Variants in MAGI2 observed in about 807,000 individuals in gnomAD.
MAGI2 encodes membrane-associated guanylate kinase, WW and PDZ domain-containing protein 2.
MAGI2 carries 35 observed loss-of-function variants against 133.3 expected under a neutral mutation model. The observed-to-expected ratio is 0.26, with a 90% CI of 0.20 to 0.35. The LOEUF (loss-of-function observed/expected upper bound fraction) is 0.35. Among genes scored for constraint, MAGI2 ranks in the 10% least tolerant of loss-of-function variants. MAGI2 has a pLI of 1.00. For missense variants in MAGI2, 1,636 were observed against 1,863.4 expected, an observed-to-expected ratio of 0.88 and a Z score of 2.25; for synonymous variants, 729 against 710.6, an observed-to-expected ratio of 1.03 and a Z score of -0.41.
intron 1 of MAGI2, among the ~76,000 whole-genome samples, chr7:79,315,325 A>ATTTTTTTTTT (rs775143230): frequency 6.5e-5 from 6 of 92,482 alleles, no homozygotes; most frequent in African/African-American, 1.6e-4. Flanking sequence ...TGCCCAGTTA[A>ATTTTTTTTTT]TTTTTTTTTT....
At chr7:78,849,302 C>A (rs989453882) in intron 2 of MAGI2, among the ~76,000 whole-genome samples, 6 of 152,006 alleles carry the variant, frequency 3.9e-5, no homozygotes, top group African/African-American at 2.4e-5. Context: ...GGAGAGTGAG[C>A]AATATCTTGG....
chr7:78,109,240 C>T (rs1251492062), intron 20 of MAGI2, among the ~76,000 whole-genome samples: 9 of 114,606 alleles, frequency 7.9e-5, no homozygotes, highest in Non-Finnish European at 1.5e-4. Flanking sequence ...GGAGGCGGAG[C>T]TTGCAGTGAG....
chr7:79,138,832 T>C (rs968286427), intron 1 of MAGI2, among the ~76,000 whole-genome samples: 7 of 151,926 alleles, frequency 4.6e-5, no homozygotes, highest in African/African-American at 7.2e-5. Flanking sequence ...GGTGAAACCC[T>C]GTCTCTACTA....
chr7:78,830,821 G>A (rs748739820), intron 2 of MAGI2, among the ~76,000 whole-genome samples: 3 of 152,112 alleles, frequency 2.0e-5, no homozygotes, highest in African/African-American at 7.2e-5. Context: ...GGGCCAATTG[G>A]CAATCTAGCT....
At chr7:78,822,385 TA>T (rs1264162197) in intron 2 of MAGI2, among the ~76,000 whole-genome samples, 1 of 152,136 alleles carries the variant, frequency 6.6e-6, no homozygotes, top group Non-Finnish European at 1.5e-5. Flanking sequence ...GAGAGAATAA[TA>T]ATTTAACTCA....
intron 20 of MAGI2, among the ~76,000 whole-genome samples, chr7:78,116,432 A>C (rs1419604878): frequency 6.6e-6 from 1 of 152,104 alleles, no homozygotes. Flanking sequence ...ATAAAAACAG[A>C]AATGAATAAG....
intron 6 of MAGI2, among the ~76,000 whole-genome samples, chr7:78,470,916 T>G (rs1033461666): frequency 1.2e-4 from 19 of 152,148 alleles, no homozygotes; most frequent in Admixed American, 6.5e-5. Context: ...GAAATTAACA[T>G]AAAATATATG....
intron 2 of MAGI2, among the ~76,000 whole-genome samples, chr7:78,697,952 T>C (rs1167550938): frequency 1.3e-5 from 2 of 152,198 alleles, no homozygotes; most frequent in Non-Finnish European, 2.9e-5. Flanking sequence ...TTTTCTATTG[T>C]ACATGTGTAC....
chr7:79,446,555 A>T (rs1306380798), intron 1 of MAGI2, among the ~76,000 whole-genome samples: 1 of 152,164 alleles, frequency 6.6e-6, no homozygotes, highest in Non-Finnish European at 1.5e-5. Context: ...TGGAGAAATT[A>T]TTTCCCCAGG....
At chr7:78,818,290 A>G (rs1789785093) in intron 2 of MAGI2, among the ~76,000 whole-genome samples, 1 of 152,166 alleles carries the variant, frequency 6.6e-6, no homozygotes, top group Admixed American at 6.5e-5. Flanking sequence ...ACTGAATTCC[A>G]TTAAACGTAT....
chr7:78,161,269 A>ATT (rs1824948138), intron 15 of MAGI2, among the ~76,000 whole-genome samples: 1 of 152,234 alleles, frequency 6.6e-6, no homozygotes, highest in African/African-American at 2.4e-5. Flanking sequence ...TTGAAATGAA[A>ATT]GTTTATCTGT....
intron 20 of MAGI2, among the ~76,000 whole-genome samples, chr7:78,097,295 C>T (rs1192470636): frequency 6.6e-6 from 1 of 152,122 alleles, no homozygotes; most frequent in African/African-American, 2.4e-5. Flanking sequence ...CCATTTGACC[C>T]AGCAATCCCA....
intron 16 of MAGI2, among the ~76,000 whole-genome samples, chr7:78,138,608 T>G (rs75167383): frequency 6.1e-5 from 9 of 146,872 alleles, no homozygotes; most frequent in African/African-American, 2.3e-4. Context: ...AAATCCCAAA[T>G]GTTTCAAAAC....
chr7:78,519,502 C>T (rs1319548299), intron 4 of MAGI2, among the ~76,000 whole-genome samples: 24 of 152,112 alleles, frequency 1.6e-4, no homozygotes, highest in Admixed American at 6.5e-5. Context: ...AACAATTGTT[C>T]TCTACTATCA....
intron 2 of MAGI2, among the ~76,000 whole-genome samples, chr7:78,887,883 C>T (rs550500988): frequency 6.6e-6 from 1 of 152,266 alleles, no homozygotes; most frequent in Admixed American, 6.5e-5. Context: ...AGAGTGGGCG[C>T]AGGACAGTGG....
chr7:79,236,537 G>C (rs532651781), intron 1 of MAGI2, among the ~76,000 whole-genome samples: 3 of 152,322 alleles, frequency 2.0e-5, no homozygotes, highest in Middle Eastern at 6.8e-3. Context: ...CAGCAAAGCT[G>C]ACCAGCAATC....
At chr7:78,024,500 C>G (rs903205966) in intron 21 of MAGI2, among the ~76,000 whole-genome samples, 2 of 152,234 alleles carry the variant, frequency 1.3e-5, no homozygotes, top group Non-Finnish European at 2.9e-5. Flanking sequence ...ACAGTCATCA[C>G]TTGGAGTCAT....
intron 1 of MAGI2, among the ~76,000 whole-genome samples, chr7:79,303,841 C>A (rs773377312): frequency 6.6e-6 from 1 of 152,076 alleles, no homozygotes; most frequent in African/African-American, 2.4e-5. Flanking sequence ...GCTTGTCTTG[C>A]GTTTCATCTA....
chr7:79,337,442 C>A (rs548463478), intron 1 of MAGI2, among the ~76,000 whole-genome samples: 1 of 152,250 alleles, frequency 6.6e-6, no homozygotes, highest in South Asian at 2.1e-4. Context: ...CAGAGTTTCA[C>A]TTTATATGAA....
Sources: gnomAD v4.1 joint callset for allele counts (sites outside exome capture counted in the v4.1 genomes callset) on GRCh38, gnomAD v4.1.1 for gene constraint, MANE v1.5 for transcripts, NCBI Gene and HGNC (gene_info 2026-07-23, HGNC 2026-07-21) for gene names.